NDST3: variants seen among roughly 807,000 people sequenced by gnomAD.
NDST3 encodes N-deacetylase and N-sulfotransferase 3.
Under a neutral mutation model 96.1 loss-of-function variants are expected in NDST3, and 58 were observed. The observed-to-expected ratio is 0.60, with a 90% CI of 0.49 to 0.75. NDST3 has a LOEUF of 0.75. NDST3 is among the 30% of genes least tolerant of loss of function. The pLI is 0.00. For missense variants in NDST3, 788 were observed against 1,034.2 expected, an observed-to-expected ratio of 0.76 and a Z score of 3.27; for synonymous variants, 333 against 359.7, an observed-to-expected ratio of 0.93 and a Z score of 0.84.
At chr4:118,217,695 C>G (rs750074198) in intron 6 of NDST3, among the ~76,000 whole-genome samples, 18 of 151,862 alleles carry the variant, frequency 1.2e-4, no homozygotes, top group Non-Finnish European at 2.4e-4. Flanking sequence ...TGCCACATAG[C>G]CCTTAAAACG....
intron 4 of NDST3, among the ~76,000 whole-genome samples, chr4:118,115,730 T>C (rs1578666418): frequency 6.6e-6 from 1 of 152,144 alleles, no homozygotes; most frequent in Non-Finnish European, 1.5e-5. Flanking sequence ...TTACATGGAA[T>C]GGTTTTCTAC....
At chr4:118,184,607 A>T (rs1400345305) in intron 6 of NDST3, among the ~76,000 whole-genome samples, 24 of 126,184 alleles carry the variant, frequency 1.9e-4, no homozygotes, top group Admixed American at 5.9e-4. Context: ...CTCTCTACAC[A>T]CACACACACA....
intron 9 of NDST3, among the ~76,000 whole-genome samples, chr4:118,236,784 CTG>C (rs1242428731): frequency 2.0e-5 from 3 of 152,160 alleles, no homozygotes; most frequent in Admixed American, 6.5e-5. Context: ...TTTGATCACT[CTG>C]TGTCTACATT....
chr4:118,104,274 C>CGT (rs1306842897), intron 2 of NDST3, among the ~76,000 whole-genome samples: 1 of 151,556 alleles, frequency 6.6e-6, no homozygotes, highest in Admixed American at 6.6e-5. Context: ...ACTCAACTAC[C>CGT]GTGTGTGTGT....
At chr4:118,104,476 T>C (rs977890294) in intron 2 of NDST3, among the ~76,000 whole-genome samples, 8 of 152,172 alleles carry the variant, frequency 5.3e-5, no homozygotes, top group African/African-American at 1.9e-4. Context: ...AGTAGGATAT[T>C]TTATTAGTCT....
intron 2 of NDST3, among the ~76,000 whole-genome samples, chr4:118,091,712 C>T (rs186121119): frequency 4.6e-4 from 70 of 151,856 alleles, no homozygotes; most frequent in African/African-American, 1.6e-3. Context: ...TTTCCTGTTA[C>T]AGTAGCAATA....
chr4:118,251,162 T>C (rs1741704252), intron 12 of NDST3, among the ~76,000 whole-genome samples: 2 of 144,822 alleles, frequency 1.4e-5, no homozygotes, highest in Non-Finnish European at 3.0e-5. Context: ...AGTCTTGCTC[T>C]GTCACCCAGG....
intron 2 of NDST3, among the ~76,000 whole-genome samples, chr4:118,074,249 G>A (rs1314608423): frequency 6.6e-6 from 1 of 152,130 alleles, no homozygotes; most frequent in Non-Finnish European, 1.5e-5. Flanking sequence ...ACGATGTTCT[G>A]TTGGTTTTGG....
chr4:118,117,064 T>A (rs1416649957), intron 4 of NDST3, among the ~76,000 whole-genome samples: 2 of 152,188 alleles, frequency 1.3e-5, no homozygotes, highest in African/African-American at 4.8e-5. Context: ...ATGTTGGCAA[T>A]TCAAATTATT....
chr4:118,099,839 G>A (rs1729621661), intron 2 of NDST3, among the ~76,000 whole-genome samples: 1 of 151,976 alleles, frequency 6.6e-6, no homozygotes, highest in Non-Finnish European at 1.5e-5. Flanking sequence ...TCTTGTCTAA[G>A]CACAAGTCTT....
At chr4:118,095,939 T>C (rs1729265492) in intron 2 of NDST3, among the ~76,000 whole-genome samples, 1 of 151,964 alleles carries the variant, frequency 6.6e-6, no homozygotes, top group Non-Finnish European at 1.5e-5. Context: ...TTTCATTGTA[T>C]GTACATAGGC....
At chr4:118,069,243 G>C (rs1726844836) in intron 2 of NDST3, among the ~76,000 whole-genome samples, 1 of 151,502 alleles carries the variant, frequency 6.6e-6, no homozygotes, top group African/African-American at 2.4e-5. Context: ...GGAAGGAACA[G>C]AGAGAGAGAG....
At chr4:118,158,081 G>T (rs974496204) in intron 6 of NDST3, among the ~76,000 whole-genome samples, 14 of 152,110 alleles carry the variant, frequency 9.2e-5, no homozygotes, top group Non-Finnish European at 1.6e-4. Context: ...TAAAAATATG[G>T]AAAGAAGGAT....
At chr4:118,075,106 G>C (rs931265296) in intron 2 of NDST3, among the ~76,000 whole-genome samples, 7 of 151,588 alleles carry the variant, frequency 4.6e-5, no homozygotes, top group Non-Finnish European at 1.0e-4. Flanking sequence ...CTGTGTCCAA[G>C]TGTTCTCATT....
chr4:118,050,600 A>T (rs573371525), intron 1 of NDST3, among the ~76,000 whole-genome samples: 5 of 152,252 alleles, frequency 3.3e-5, no homozygotes, highest in South Asian at 4.1e-4. Flanking sequence ...TGAGAGTCCA[A>T]TGAAGAATAC....
At chr4:118,081,810 G>C (rs570564723) in intron 2 of NDST3, among the ~76,000 whole-genome samples, 1 of 152,172 alleles carries the variant, frequency 6.6e-6, no homozygotes, top group East Asian at 1.9e-4. Flanking sequence ...CAATTTGTCA[G>C]ATAAAAAAGT....
chr4:118,061,501 C>A lies in NDST3; in HGVS notation c.981+6610C>A, dbSNP rs117643486. On this transcript the variant is annotated intron_variant, in intron 2 of 13. Coordinates refer to ENST00000296499, the MANE Select transcript of NDST3 (RefSeq NM_004784.3). ...TACACTGTAAAATAGACAAATGTGA[C>A]AAATCTGGGCTTTTTATTCACACAG... 1.6e-4 allele frequency among the ~76,000 whole-genome samples: 25 copies of A among 152,244 alleles called. 1 individual carries two copies. In the East Asian group the frequency reaches 4.4e-3, roughly 27 times the overall value.
chr4:118,164,105 T>C (rs1735385861), intron 6 of NDST3, among the ~76,000 whole-genome samples: 1 of 152,096 alleles, frequency 6.6e-6, no homozygotes, highest in Non-Finnish European at 1.5e-5. Flanking sequence ...TGCCCATCAG[T>C]GGTAGGCTGG....
intron 4 of NDST3, among the ~76,000 whole-genome samples, chr4:118,131,782 A>G (rs983093354): frequency 1.3e-5 from 2 of 151,816 alleles, no homozygotes; most frequent in African/African-American, 2.4e-5. Context: ...CCCAAGCCCA[A>G]TATCACTGTG....
Sources: gnomAD v4.1 joint callset for allele counts (sites outside exome capture counted in the v4.1 genomes callset) on GRCh38, gnomAD v4.1.1 for gene constraint, MANE v1.5 for transcripts, NCBI Gene and HGNC (gene_info 2026-07-23, HGNC 2026-07-21) for gene names.